The following SEMA5A variants were observed in gnomAD, a reference collection of about 807,000 sequenced individuals.
SEMA5A encodes the protein semaphorin-5A.
Under a neutral mutation model 135.5 loss-of-function variants are expected in SEMA5A, and 55 were observed. That is an observed-to-expected ratio of 0.41 (90% confidence interval 0.33 to 0.51). The LOEUF is 0.51. SEMA5A is among the 20% of genes least tolerant of loss of function. The probability of loss-of-function intolerance (pLI) is 0.37; values close to 1 mark genes in which losing one functional copy is unlikely to be tolerated. For synonymous variants in SEMA5A, 580 were observed against 546.5 expected (o/e 1.06, Z -0.85); for missense variants, 1,290 against 1,419.9 (o/e 0.91, Z 1.47).
intron 12 of SEMA5A, among the ~76,000 whole-genome samples, chr5:9,144,519 T>C (rs894349518): frequency 2.0e-5 from 3 of 152,174 alleles, no homozygotes; most frequent in African/African-American, 4.8e-5. Context: ...AAAGAACATT[T>C]GTCCCTCTCA....
intron 13 of SEMA5A, among the ~76,000 whole-genome samples, chr5:9,132,120 G>A (rs760490051): frequency 2.3e-4 from 35 of 152,130 alleles, no homozygotes; most frequent in Non-Finnish European, 4.9e-4. Flanking sequence ...CAATATGTGA[G>A]TAAACTATTG....
chr5:9,211,709 A>G (rs1041403168), intron 8 of SEMA5A, among the ~76,000 whole-genome samples: 1 of 152,226 alleles, frequency 6.6e-6, no homozygotes, highest in Non-Finnish European at 1.5e-5. Context: ...TTCATCCTCC[A>G]AGTAAATTAT....
chr5:9,279,110 C>T (rs4702618), intron 5 of SEMA5A, among the ~76,000 whole-genome samples: 54,624 of 152,166 alleles, frequency 0.36, 10,498 homozygotes, highest in East Asian at 0.47. Context: ...CCCATGAAAG[C>T]AGCCAAGGGG....
intron 5 of SEMA5A, among the ~76,000 whole-genome samples, chr5:9,257,744 A>T (rs1458267110): frequency 1.3e-5 from 2 of 152,110 alleles, no homozygotes; most frequent in African/African-American, 4.8e-5. Context: ...CCACCATTAC[A>T]TGCATCAAGG....
chr5:9,129,849 T>C (rs759835543), intron 13 of SEMA5A, among the ~76,000 whole-genome samples: 1 of 152,186 alleles, frequency 6.6e-6, no homozygotes, highest in Admixed American at 6.5e-5. Flanking sequence ...ATTCTACAGA[T>C]ATGAAATGGG....
intron 3 of SEMA5A, among the ~76,000 whole-genome samples, chr5:9,339,907 G>C (rs1367133490): frequency 6.6e-6 from 1 of 152,184 alleles, no homozygotes; most frequent in East Asian, 1.9e-4. Flanking sequence ...CTACAATTTA[G>C]GTATTGGCCT....
At chr5:9,305,728 T>TGTATATATATATA (rs1287444762) in intron 5 of SEMA5A, among the ~76,000 whole-genome samples, 2 of 95,000 alleles carry the variant, frequency 2.1e-5, no homozygotes, top group African/African-American at 7.9e-5. Flanking sequence ...ATATATATAT[T>TGTATATATATATA]TACACGCACA....
chr5:9,447,116 G>A (rs1233822431), intron 1 of SEMA5A, among the ~76,000 whole-genome samples: 1 of 152,208 alleles, frequency 6.6e-6, no homozygotes, highest in Non-Finnish European at 1.5e-5. Context: ...AAACAGAACA[G>A]GCAGTAGATT....
intron 1 of SEMA5A, among the ~76,000 whole-genome samples, chr5:9,483,465 CA>C (rs1375569759): frequency 3.3e-5 from 5 of 152,118 alleles, no homozygotes; most frequent in African/African-American, 4.8e-5. Flanking sequence ...TGAAAAATAC[CA>C]GGCATAACAA....
chr5:9,082,947 C>G lies in SEMA5A; in HGVS notation c.2074-16301G>C, dbSNP rs73043682. ...GGGGTATCATTTTACTCCATTTGTG[C>G]TCATCCAAAGGAAAATTATCTTCTA... On this transcript the variant is annotated intron_variant, in intron 16 of 22. Coordinates refer to ENST00000382496, the MANE Select transcript of SEMA5A (RefSeq NM_003966.3). Among the ~76,000 whole-genome samples the G allele has an allele frequency of 8.0e-3, 1,218 of 152,252 alleles. 13 individuals carry two copies. The highest frequency in any genetic ancestry group is 0.028 in the African/African-American group (1,154 of 41,532).
At chr5:9,175,368 C>A (rs1744147647) in intron 11 of SEMA5A, among the ~76,000 whole-genome samples, 1 of 151,986 alleles carries the variant, frequency 6.6e-6, no homozygotes, top group African/African-American at 2.4e-5. Flanking sequence ...GTTTATGCCT[C>A]CAGTTAGGAA....
At chr5:9,337,348 T>C (rs988177536) in intron 4 of SEMA5A, among the ~76,000 whole-genome samples, 1 of 152,202 alleles carries the variant, frequency 6.6e-6, no homozygotes, top group African/African-American at 2.4e-5. Flanking sequence ...CCCAGGTCCA[T>C]CTTTTCTTAG....
chr5:9,080,019 C>G (rs559661326), intron 16 of SEMA5A, among the ~76,000 whole-genome samples: 2 of 152,240 alleles, frequency 1.3e-5, no homozygotes, highest in East Asian at 3.9e-4. Flanking sequence ...ACCAGAAATA[C>G]CTTTTGACCC....
chr5:9,492,110 C>G (rs955272256), intron 1 of SEMA5A, among the ~76,000 whole-genome samples: 1 of 152,256 alleles, frequency 6.6e-6, no homozygotes, highest in Admixed American at 6.5e-5. Flanking sequence ...AACTGCGGAC[C>G]CATCAACAAA....
chr5:9,430,395 G>A (rs1479037415), intron 2 of SEMA5A, among the ~76,000 whole-genome samples: 1 of 152,224 alleles, frequency 6.6e-6, no homozygotes, highest in African/African-American at 2.4e-5. Flanking sequence ...AGATAGACAT[G>A]TGGGAGTAAT....
chr5:9,245,023 G>T (rs1390331946), intron 5 of SEMA5A, among the ~76,000 whole-genome samples: 2 of 152,166 alleles, frequency 1.3e-5, no homozygotes, highest in African/African-American at 2.4e-5. Flanking sequence ...AACAAAAGGA[G>T]ATAAAAGTGG....
At chr5:9,412,649 G>T (rs559649336) in intron 2 of SEMA5A, among the ~76,000 whole-genome samples, 1 of 144,066 alleles carries the variant, frequency 6.9e-6, no homozygotes, top group South Asian at 2.2e-4. Flanking sequence ...AAGTTATCGT[G>T]GGGATAGAAC....
At chr5:9,061,985 T>C (rs1737206575) in intron 18 of SEMA5A, among the ~76,000 whole-genome samples, 1 of 152,038 alleles carries the variant, frequency 6.6e-6, no homozygotes, top group African/African-American at 2.4e-5. Flanking sequence ...GGTCCATCAG[T>C]GGCCCAGGAA....
chr5:9,151,033 C>T (rs1464539347), intron 12 of SEMA5A, among the ~76,000 whole-genome samples: 1 of 152,150 alleles, frequency 6.6e-6, no homozygotes, highest in East Asian at 1.9e-4. Context: ...GTTGCAGTAG[C>T]TATGTGACTT....
Sources: allele counts gnomAD v4.1 joint callset (sites outside exome capture counted in the v4.1 genomes callset), GRCh38; gene constraint gnomAD v4.1.1; transcripts MANE v1.5; gene names NCBI Gene and HGNC (gene_info 2026-07-23, HGNC 2026-07-21).